Variants in EYS observed in about 807,000 individuals in gnomAD.
EYS encodes the protein EGF-like photoreceptor maintenance factor.
Under a neutral mutation model 282.1 loss-of-function variants are expected in EYS, and 250 were observed. The ratio of observed to expected loss-of-function variants is 0.89; its 90% CI spans 0.80 to 0.98. EYS has a LOEUF of 0.98. Among genes scored for constraint, EYS ranks in the 50% least tolerant of loss-of-function variants. The probability of loss-of-function intolerance (pLI) is 0.00; values close to 1 mark genes in which losing one functional copy is unlikely to be tolerated. For synonymous variants in EYS, 1,355 were observed against 1,282.9 expected, an observed-to-expected ratio of 1.06 and a Z score of -1.20; for missense variants, 4,016 against 3,709.0, an observed-to-expected ratio of 1.08 and a Z score of -2.15.
chr6:64,790,535 C>T (rs1239509866), intron 22 of EYS, among the ~76,000 whole-genome samples: 3 of 151,788 alleles, frequency 2.0e-5, no homozygotes, highest in Non-Finnish European at 4.4e-5. Flanking sequence ...AAATAAGTGA[C>T]TGAAAAGAAA....
At chr6:65,645,138 G>A (rs1300907123) in intron 1 of EYS, among the ~76,000 whole-genome samples, 1 of 145,286 alleles carries the variant, frequency 6.9e-6, no homozygotes, top group Non-Finnish European at 1.5e-5. Flanking sequence ...AAGATACAAA[G>A]TCAACAAAGA....
intron 31 of EYS, among the ~76,000 whole-genome samples, chr6:64,105,213 GATAA>G (rs1191058691): frequency 6.6e-6 from 1 of 151,988 alleles, no homozygotes; most frequent in African/African-American, 2.4e-5. Flanking sequence ...TTATAAACTA[GATAA>G]ATAAATAAAA....
At chr6:65,482,698 C>A (rs2127257127) in intron 5 of EYS, among the ~76,000 whole-genome samples, 1 of 152,282 alleles carries the variant, frequency 6.6e-6, no homozygotes, top group Non-Finnish European at 1.5e-5. Flanking sequence ...CTATTCTCTA[C>A]TAGTCAGATT....
chr6:64,234,457 A>T (rs1435988052), intron 30 of EYS, among the ~76,000 whole-genome samples: 6 of 152,128 alleles, frequency 3.9e-5, no homozygotes, highest in Non-Finnish European at 1.5e-5. Context: ...ATATATCATC[A>T]TGGATTCTAT....
intron 26 of EYS, among the ~76,000 whole-genome samples, chr6:64,545,696 C>CA (rs1448482245): frequency 6.6e-6 from 1 of 152,080 alleles, no homozygotes; most frequent in Non-Finnish European, 1.5e-5. Context: ...AATCAATGTG[C>CA]AAAAATCACA....
chr6:65,263,468 C>T (rs1418248114), intron 12 of EYS, among the ~76,000 whole-genome samples: 1 of 151,900 alleles, frequency 6.6e-6, no homozygotes, highest in East Asian at 1.9e-4. Context: ...TTACCCTTTA[C>T]ATAAAGAAAT....
At chr6:64,578,597 TTGTG>T (rs144119735) in intron 26 of EYS, among the ~76,000 whole-genome samples, 2,460 of 147,982 alleles carry the variant, frequency 0.017, 56 homozygotes, top group African/African-American at 0.055. Flanking sequence ...CTCTCTCTCT[TTGTG>T]TGTGTGTGTG....
At position 64,503,539 on chromosome 6, in the gene EYS, C is replaced by T. The variant is rs190497734; in HGVS notation, c.5645-64187G>A. 5.7e-4 allele frequency among the ~76,000 whole-genome samples: 87 copies of T among 152,212 alleles called. 1 individual carries two copies. The highest frequency in any genetic ancestry group is 5.6e-3 in the Admixed American group (85 of 15,298). On this transcript the variant is annotated intron_variant, in intron 26 of 42. Transcript: ENST00000503581. ...AAGGGTTTCATGGGTTTATAGGTAACTCCCCTAGGCAGGTATCTGAGATCA... is the reference window on the plus strand; with the variant it reads ...AAGGGTTTCATGGGTTTATAGGTAATTCCCCTAGGCAGGTATCTGAGATCA...
At chr6:65,408,113 C>T (rs1035351596) in intron 5 of EYS, among the ~76,000 whole-genome samples, 18 of 151,940 alleles carry the variant, frequency 1.2e-4, no homozygotes, top group African/African-American at 4.1e-4. Context: ...AGATATCAAA[C>T]TTATCTTGAA....
At chr6:64,069,225 C>T (rs759931101) in intron 32 of EYS, among the ~76,000 whole-genome samples, 37 of 152,080 alleles carry the variant, frequency 2.4e-4, no homozygotes, top group Non-Finnish European at 4.9e-4. Context: ...TTAATGGTAA[C>T]TTGGTATAGC....
Position 63,720,703 on chromosome 6 carries a change from C to T in EYS, c.9328G>A (p.Gly3110Ser). Reference protein sequence around the residue: ...TQEIFKTNFVGKIKDVVFFQE... With the variant: ...TQEIFKTNFVSKIKDVVFFQE... ...AAAAATACAACATCTTTAATTTTGC[C>T]AACAAAATTGGTTTTAAAAATCTCT... is the stretch of plus-strand genomic sequence containing the variant. The change falls in exon 43 of 43, where the codon GGC (glycine) becomes AGC (serine). Residue 3110 changes from glycine (G) to serine (S), a missense_variant. Physicochemically the swap from Gly to Ser is moderately conservative, Grantham distance 56. Transcript: ENST00000503581. The T allele has an allele frequency of 1.3e-6, 2 of 1,547,164 alleles. No homozygotes were observed. Among genetic ancestry groups the T allele is most frequent in the Non-Finnish European group, 1.7e-6 (2 of 1,145,120 alleles).
Position 64,189,027 on chromosome 6 carries a change from T to C in EYS, c.6424+41565A>G, listed in dbSNP as rs1765028774. Among the ~76,000 whole-genome samples, 4 of 152,194 alleles carry C rather than the reference T, an allele frequency of 2.6e-5. No individual in the cohort carries two copies. The East Asian group carries it at 7.7e-4, about 29-fold the overall frequency. On this transcript the variant is annotated intron_variant, in intron 31 of 42. Transcript: ENST00000503581. The stretch of plus-strand genomic sequence containing the variant: ...ATCATTGTTAGATAATAATAATGTG[T>C]AATATCATTGAAAAACTCTAAAACT...
chr6:64,747,779 A>G lies in EYS; in HGVS notation c.3443+65599T>C, dbSNP rs867369369. The stretch of plus-strand genomic sequence containing the variant: ...GCACATTCAGGGATTTACATTGAAA[A>G]TTCTGGTTCTTTATACTTGTGCTTT... On this transcript the variant is annotated intron_variant, in intron 22 of 42. Coordinates refer to ENST00000503581, the MANE Select transcript of EYS (RefSeq NM_001142800.2). 2.0e-5 allele frequency among the ~76,000 whole-genome samples: 3 copies of G among 152,234 alleles called. No homozygotes were observed. The South Asian group carries it at 6.2e-4, about 31-fold the overall frequency.
chr6:63,824,857 T>G (rs1201109288), intron 36 of EYS, among the ~76,000 whole-genome samples: 1 of 152,162 alleles, frequency 6.6e-6, no homozygotes, highest in East Asian at 1.9e-4. Flanking sequence ...GGAGAAGGAA[T>G]TCTGTAGCTG....
rs1233391839 is a variant in EYS at position 63,848,300 on chromosome 6, G to T, written c.7228+15886C>A. On this transcript the variant is annotated intron_variant, in intron 36 of 42. Transcript: ENST00000503581. ...ACATCTCTGTTAGTATGAGCTTAGA[G>T]AATTTAAGTAAACTTAATTGTATTG... 2.6e-5 allele frequency among the ~76,000 whole-genome samples: 4 copies of T among 152,060 alleles called. No individual in the cohort carries two copies. In the South Asian group the frequency reaches 6.2e-4, roughly 24 times the overall value.
At chr6:64,069,611 C>G (rs753029455) in intron 32 of EYS, among the ~76,000 whole-genome samples, 4 of 151,960 alleles carry the variant, frequency 2.6e-5, no homozygotes, top group Non-Finnish European at 5.9e-5. Flanking sequence ...CAGTGAACAT[C>G]TGTAGATACA....
chr6:65,377,652 A>T (rs1765425784), intron 8 of EYS, among the ~76,000 whole-genome samples: 1 of 152,136 alleles, frequency 6.6e-6, no homozygotes, highest in Admixed American at 6.6e-5. Context: ...GAGAAAAGAG[A>T]GAAAAATCAA....
intron 35 of EYS, among the ~76,000 whole-genome samples, chr6:63,925,045 C>T (rs561976791): frequency 1.1e-4 from 16 of 152,210 alleles, no homozygotes; most frequent in African/African-American, 3.6e-4. Context: ...ATTAGATGCT[C>T]ACAGCATAAT....
At chr6:64,809,199 A>G (rs1458691958) in intron 22 of EYS, among the ~76,000 whole-genome samples, 1 of 152,284 alleles carries the variant, frequency 6.6e-6, no homozygotes, top group East Asian at 1.9e-4. Context: ...AAGCCGGGAT[A>G]TAAAATGCTA....
Sources: allele counts gnomAD v4.1 joint callset (sites outside exome capture counted in the v4.1 genomes callset), GRCh38; gene constraint gnomAD v4.1.1; transcripts MANE v1.5; gene names NCBI Gene and HGNC (gene_info 2026-07-23, HGNC 2026-07-21).